The following MARCHF8 variants were observed in gnomAD, a reference collection of about 807,000 sequenced individuals.
The protein encoded by MARCHF8 is membrane associated ring-CH-type finger 8.
A neutral mutation model predicts 51.6 loss-of-function variants in MARCHF8; 40 were observed. The observed-to-expected ratio is 0.77, with a 90% CI of 0.60 to 1.01. The LOEUF (loss-of-function observed/expected upper bound fraction) is 1.01, where lower values mean the gene tolerates loss of function less well. Ranked by LOEUF, MARCHF8 falls within the 50% of genes least tolerant of loss-of-function variation. The pLI is 0.00. For synonymous variants in MARCHF8, 263 were observed against 280.3 expected (o/e 0.94, Z 0.62); for missense variants, 685 against 708.6 (o/e 0.97, Z 0.38).
chr10:45,564,985 T>TAAAA (rs60290162), intron 1 of MARCHF8, among the ~76,000 whole-genome samples: 9 of 98,670 alleles, frequency 9.1e-5, no homozygotes, highest in Non-Finnish European at 1.2e-4. Context: ...TAGGATCCAC[T>TAAAA]AAAAAAAAAA....
chr10:45,572,759 T>A (rs578049502), intron 1 of MARCHF8, among the ~76,000 whole-genome samples: 1 of 152,204 alleles, frequency 6.6e-6, no homozygotes, highest in Non-Finnish European at 1.5e-5. Flanking sequence ...TACTGACCCA[T>A]CTGACCTCTC....
chr10:45,581,503 A>T (rs2044555141), intron 1 of MARCHF8, among the ~76,000 whole-genome samples: 1 of 152,244 alleles, frequency 6.6e-6, no homozygotes, highest in Non-Finnish European at 1.5e-5. Flanking sequence ...GAATGAGGGC[A>T]TTGTAATTAA....
rs955855200 is a variant in MARCHF8 at position 45,464,140 on chromosome 10, G to A, written c.242+99C>T. ...AACTCGCCAACTGTTTAGACCAAAG[G>A]CAGATTGATTAAGCAAATGGAAATT... On this transcript the variant is annotated intron_variant, in intron 4 of 7. Transcript: ENST00000453424. The A allele has an allele frequency of 1.9e-6, 3 of 1,555,048 alleles. No individual in the cohort carries two copies. The African/African-American group carries it at 4.1e-5, about 21-fold the overall frequency.
At chr10:45,549,951 T>C (rs2044175776) in intron 1 of MARCHF8, among the ~76,000 whole-genome samples, 2 of 152,088 alleles carry the variant, frequency 1.3e-5, no homozygotes, top group South Asian at 4.1e-4. Flanking sequence ...AATTACCCCA[T>C]CTCAGGTACT....
At chr10:45,567,082 G>A (rs1222234713) in intron 1 of MARCHF8, among the ~76,000 whole-genome samples, 1 of 152,140 alleles carries the variant, frequency 6.6e-6, no homozygotes, top group African/African-American at 2.4e-5. Flanking sequence ...CTTCTTTTGA[G>A]AATGTCTACT....
intron 2 of MARCHF8, among the ~76,000 whole-genome samples, chr10:45,515,275 A>G (rs996975141): frequency 6.6e-6 from 1 of 152,168 alleles, no homozygotes; most frequent in Non-Finnish European, 1.5e-5. Flanking sequence ...AGGCAGTCCA[A>G]TCACCTGTAA....
At chr10:45,549,269 A>T (rs1375385515) in intron 1 of MARCHF8, among the ~76,000 whole-genome samples, 1 of 152,180 alleles carries the variant, frequency 6.6e-6, no homozygotes, top group Non-Finnish European at 1.5e-5. Context: ...TTATCACAAG[A>T]TGTTCCATTT....
intron 2 of MARCHF8, among the ~76,000 whole-genome samples, chr10:45,503,535 T>TTAAATAAATAAATAAA (rs1564489358): frequency 2.5e-4 from 23 of 91,180 alleles, no homozygotes; most frequent in African/African-American, 1.0e-3. Context: ...AGACTCCGTC[T>TTAAATAAATAAATAAA]CAAATAAATA....
intron 2 of MARCHF8, among the ~76,000 whole-genome samples, chr10:45,522,903 C>G (rs1019862656): frequency 2.0e-5 from 3 of 152,122 alleles, no homozygotes; most frequent in Non-Finnish European, 4.4e-5. Flanking sequence ...AATACCAACA[C>G]GTGGCCCCCC....
chr10:45,486,631 G>T (rs776855794), intron 3 of MARCHF8, among the ~76,000 whole-genome samples: 49 of 151,952 alleles, frequency 3.2e-4, no homozygotes, highest in Admixed American at 8.5e-4. Flanking sequence ...AAATAATAAA[G>T]CTACCATTAA....
At chr10:45,473,212 G>A (rs1253737411) in intron 3 of MARCHF8, among the ~76,000 whole-genome samples, 1 of 152,194 alleles carries the variant, frequency 6.6e-6, no homozygotes, top group Non-Finnish European at 1.5e-5. Flanking sequence ...AGGAGGCCTA[G>A]GAGGGTTAGT....
intron 2 of MARCHF8, among the ~76,000 whole-genome samples, chr10:45,496,712 A>T (rs1385962879): frequency 6.6e-6 from 1 of 152,116 alleles, no homozygotes; most frequent in Non-Finnish European, 1.5e-5. Flanking sequence ...CATAGGAGGA[A>T]TCATTCTATG....
intron 2 of MARCHF8, among the ~76,000 whole-genome samples, chr10:45,499,859 A>G (rs2043247255): frequency 6.6e-6 from 1 of 152,222 alleles, no homozygotes; most frequent in African/African-American, 2.4e-5. Context: ...TTTTGAAGTC[A>G]GGGAGCATCA....
intron 3 of MARCHF8, among the ~76,000 whole-genome samples, chr10:45,488,280 T>C (rs534605779): frequency 1.3e-5 from 2 of 152,214 alleles, no homozygotes; most frequent in African/African-American, 4.8e-5. Context: ...AGGTGGGACT[T>C]GTGGGACAAC....
intron 3 of MARCHF8, among the ~76,000 whole-genome samples, chr10:45,472,909 C>T (rs1027776223): frequency 6.6e-6 from 1 of 152,216 alleles, no homozygotes; most frequent in Non-Finnish European, 1.5e-5. Context: ...GTTTTTGTCA[C>T]TTAGGAATAA....
rs1448945046 is a variant in MARCHF8, at chr10:45,463,927, A to C, written c.312T>G (p.Pro104=). ...SVQSAVVSKA[P]HCQSSLTQGL... Reference sequence around the variant, plus strand: ...CTTGTGTCAGAGAACTCTGGCAGTGAGGAGCTTTCGAGACAACAGCAGACT... The same window carrying C: ...CTTGTGTCAGAGAACTCTGGCAGTGCGGAGCTTTCGAGACAACAGCAGACT... Residue 104 remains proline (P), a synonymous_variant, in exon 5 of 8, where the codon CCT becomes CCG. Transcript: ENST00000453424. The C allele has an allele frequency of 5.9e-6, 9 of 1,536,294 alleles. No homozygotes were observed. The East Asian group carries it at 2.2e-4, about 38-fold the overall frequency.
At chr10:45,586,227 C>G (rs2044617068) in intron 1 of MARCHF8, among the ~76,000 whole-genome samples, 1 of 152,134 alleles carries the variant, frequency 6.6e-6, no homozygotes, top group Admixed American at 6.5e-5. Flanking sequence ...CATTCCCCAC[C>G]CCTACCTATA....
chr10:45,542,577 C>T (rs1235420671), intron 1 of MARCHF8, among the ~76,000 whole-genome samples: 1 of 152,004 alleles, frequency 6.6e-6, no homozygotes, highest in Non-Finnish European at 1.5e-5. Flanking sequence ...GACTACTTTC[C>T]TAAAAACCTG....
chr10:45,533,893 A>AT (rs1219091912), intron 1 of MARCHF8, among the ~76,000 whole-genome samples: 1 of 152,208 alleles, frequency 6.6e-6, no homozygotes, highest in Non-Finnish European at 1.5e-5. Flanking sequence ...CATAGAGAGC[A>AT]TGTAAATGGG....
Sources: allele counts gnomAD v4.1 joint callset (sites outside exome capture counted in the v4.1 genomes callset), GRCh38; gene constraint gnomAD v4.1.1; transcripts MANE v1.5; gene names NCBI Gene and HGNC (gene_info 2026-07-23, HGNC 2026-07-21).